Variants in VAMP7 observed in about 807,000 individuals in gnomAD.
VAMP7 encodes vesicle-associated membrane protein 7.
In VAMP7, 14 loss-of-function variants were observed where a neutral mutation model predicts 29.6. That is an observed-to-expected ratio of 0.47 (90% CI 0.31 to 0.74). The LOEUF (loss-of-function observed/expected upper bound fraction) is 0.74, where lower values mean the gene tolerates loss of function less well. Among genes scored for constraint, VAMP7 ranks in the 30% least tolerant of loss-of-function variants. VAMP7 has a pLI of 0.05. For synonymous variants in VAMP7, 95 were observed against 88.1 expected (o/e 1.08, Z -0.44); for missense variants, 223 against 262.4 (o/e 0.85, Z 1.04).
At chrX:155,921,808 A>G (rs2066399786) in intron 6 of VAMP7, among the ~76,000 whole-genome samples, 1 of 151,940 alleles carries the variant, frequency 6.6e-6, no homozygotes, top group South Asian at 2.1e-4. Flanking sequence ...TTGCATTTCC[A>G]TATATGTTTT....
chrX:155,941,849 C>G (rs1312786755), intron 7 of VAMP7, 34 bp from the exon 8 acceptor site: 1 of 1,604,260 alleles, frequency 6.2e-7, no homozygotes, highest in Non-Finnish European at 8.5e-7. Context: ...ATGATTGATT[C>G]AAGAAAATAA....
intron 3 of VAMP7, among the ~76,000 whole-genome samples, chrX:155,895,895 C>T (rs2065981173): frequency 6.6e-6 from 1 of 152,064 alleles, no homozygotes. Flanking sequence ...GCATTAGATT[C>T]TCATATGAGT....
At chrX:155,917,741 C>T (rs986599057) in intron 5 of VAMP7, among the ~76,000 whole-genome samples, 4 of 152,084 alleles carry the variant, frequency 2.6e-5, no homozygotes, top group African/African-American at 4.8e-5. Context: ...AGATGTCTGT[C>T]GACTCCTGCT....
intron 6 of VAMP7, among the ~76,000 whole-genome samples, chrX:155,935,311 A>C (rs756297077): frequency 1.2e-4 from 18 of 151,938 alleles, no homozygotes; most frequent in Admixed American, 8.5e-4. Context: ...ACTTGGTTCC[A>C]TTCTCCCCAT....
chrX:155,898,032 G>A (rs1453668642), intron 3 of VAMP7, 80 bp from the exon 4 acceptor site: 10 of 1,534,796 alleles, frequency 6.5e-6, no homozygotes. Flanking sequence ...AATGTTAGCT[G>A]TTTTTTATTG....
At chrX:155,927,950 T>A (rs2066495219) in intron 6 of VAMP7, among the ~76,000 whole-genome samples, 1 of 152,042 alleles carries the variant, frequency 6.6e-6, no homozygotes, top group African/African-American at 2.4e-5. Flanking sequence ...ACAGAGTCTC[T>A]CTCTCTCACC....
At chrX:155,888,603 C>T (rs964006441) in intron 1 of VAMP7, among the ~76,000 whole-genome samples, 12 of 152,134 alleles carry the variant, frequency 7.9e-5, no homozygotes, top group African/African-American at 2.9e-4. Flanking sequence ...AATAATAGCA[C>T]ATATTCATAG....
At chrX:155,911,905 A>T (rs1344043549) in intron 5 of VAMP7, among the ~76,000 whole-genome samples, 1 of 152,084 alleles carries the variant, frequency 6.6e-6, no homozygotes, top group African/African-American at 2.4e-5. Flanking sequence ...ATCTGCAAAG[A>T]GGGATAATTT....
chrX:155,935,773 C>G (rs1426750807), intron 6 of VAMP7, among the ~76,000 whole-genome samples: 1 of 152,124 alleles, frequency 6.6e-6, no homozygotes, highest in East Asian at 1.9e-4. Context: ...GGAGGAGAGG[C>G]GCTCTGATTT....
intron 1 of VAMP7, among the ~76,000 whole-genome samples, chrX:155,883,336 G>A (rs1405575093): frequency 1.3e-5 from 2 of 152,052 alleles, no homozygotes; most frequent in Non-Finnish European, 2.9e-5. Context: ...TGCTCTCAGT[G>A]CCTTCTCTTC....
chrX:155,894,454 C>G (rs1325474331), intron 2 of VAMP7, among the ~76,000 whole-genome samples: 3 of 151,948 alleles, frequency 2.0e-5, no homozygotes, highest in African/African-American at 7.2e-5. Flanking sequence ...TTTTTGCTTA[C>G]TTCTCCAGTC....
In VAMP7 at chrX:155,906,254, A is replaced by G. The variant is rs372515143; in HGVS notation, c.433+5667A>G. Among the ~76,000 whole-genome samples the G allele has an allele frequency of 1.2e-3, 179 of 152,170 alleles. 1 individual carries two copies. The highest frequency in any genetic ancestry group is 4.2e-3 in the African/African-American group (173 of 41,534). Reference sequence around the variant, plus strand: ...CCCTTGATCAAGTTCCTTGTCCCCTATATTTGTTATATAAGTCCGGCCAGC... The same window carrying G: ...CCCTTGATCAAGTTCCTTGTCCCCTGTATTTGTTATATAAGTCCGGCCAGC... On this transcript the variant is annotated intron_variant, in intron 5 of 7. Coordinates refer to ENST00000286448, the MANE Select transcript of VAMP7 (RefSeq NM_005638.6).
At chrX:155,941,371 A>G (rs1179570982) in intron 7 of VAMP7, among the ~76,000 whole-genome samples, 2 of 152,132 alleles carry the variant, frequency 1.3e-5, no homozygotes, top group African/African-American at 4.8e-5. Flanking sequence ...CATCGTAATT[A>G]TTGTGTCATT....
chrX:155,900,706 A>G (rs192867219), intron 5 of VAMP7, 119 bp downstream of exon 5: 255 of 812,416 alleles, frequency 3.1e-4, no homozygotes, highest in Non-Finnish European at 4.7e-4. Context: ...ATTGGAAGTT[A>G]ATTGTCAGCT....
chrX:155,887,094 TTCTC>T (rs2065874155), intron 1 of VAMP7, among the ~76,000 whole-genome samples: 1 of 152,228 alleles, frequency 6.6e-6, no homozygotes, highest in African/African-American at 2.4e-5. Flanking sequence ...ACAGTCTTCA[TTCTC>T]TTTCTTTCCT....
chrX:155,935,253 C>G (rs2066631676), intron 6 of VAMP7, among the ~76,000 whole-genome samples: 1 of 152,058 alleles, frequency 6.6e-6, no homozygotes, highest in Admixed American at 6.5e-5. Context: ...GCCTGCCTTG[C>G]TAGGTTGGGG....
chrX:155,909,843 A>T (rs1359431637), intron 5 of VAMP7, among the ~76,000 whole-genome samples: 1 of 151,992 alleles, frequency 6.6e-6, no homozygotes, highest in Non-Finnish European at 1.5e-5. Context: ...GTACACATTT[A>T]TGGGGTACGT....
intron 7 of VAMP7, among the ~76,000 whole-genome samples, chrX:155,941,477 AAAAT>A (rs2066743041): frequency 6.6e-6 from 1 of 152,156 alleles, no homozygotes; most frequent in Non-Finnish European, 1.5e-5. Flanking sequence ...ATATTAATCA[AAAAT>A]AAAATTCATG....
intron 5 of VAMP7, among the ~76,000 whole-genome samples, chrX:155,913,892 T>G (rs982048065): frequency 2.0e-5 from 3 of 152,150 alleles, no homozygotes; most frequent in Non-Finnish European, 4.4e-5. Flanking sequence ...TAAAGTAGTG[T>G]TTTTCTAATT....
Sources: allele counts gnomAD v4.1 joint callset (sites outside exome capture counted in the v4.1 genomes callset), GRCh38; gene constraint gnomAD v4.1.1; transcripts MANE v1.5; gene names NCBI Gene and HGNC (gene_info 2026-07-23, HGNC 2026-07-21).